Variants in PDE7B observed in about 807,000 individuals in gnomAD.
PDE7B encodes 3',5'-cyclic-AMP phosphodiesterase 7B.
Under a neutral mutation model 56.2 loss-of-function variants are expected in PDE7B, and 29 were observed. The ratio of observed to expected loss-of-function variants is 0.52; its 90% CI spans 0.38 to 0.70. The LOEUF (loss-of-function observed/expected upper bound fraction) is 0.70, where lower values mean the gene tolerates loss of function less well. PDE7B is among the 30% of genes least tolerant of loss of function. The pLI is 0.00. For synonymous variants in PDE7B, 197 were observed against 196.9 expected, an observed-to-expected ratio of 1.00 and a Z score of 0.00; for missense variants, 490 against 565.0, an observed-to-expected ratio of 0.87 and a Z score of 1.35.
At chr6:135,980,920 C>A (rs1291963534) in intron 2 of PDE7B, among the ~76,000 whole-genome samples, 5 of 148,072 alleles carry the variant, frequency 3.4e-5, no homozygotes, top group Non-Finnish European at 4.5e-5. Flanking sequence ...TTGACCCAGC[C>A]ATCCCATTAC....
intron 9 of PDE7B, among the ~76,000 whole-genome samples, chr6:136,176,112 T>C (rs1206930267): frequency 6.6e-6 from 1 of 152,092 alleles, no homozygotes; most frequent in Admixed American, 6.6e-5. Flanking sequence ...ATTTTTATAT[T>C]TGGTCTCTTC....
intron 10 of PDE7B, among the ~76,000 whole-genome samples, chr6:136,179,607 C>T (rs1779032051): frequency 6.6e-6 from 1 of 152,196 alleles, no homozygotes; most frequent in Admixed American, 6.5e-5. Context: ...AGGTCTACCG[C>T]ATTTGGTGGC....
At chr6:135,861,441 T>G (rs2128184641) in intron 1 of PDE7B, among the ~76,000 whole-genome samples, 1 of 151,422 alleles carries the variant, frequency 6.6e-6, no homozygotes, top group South Asian at 2.1e-4. Context: ...CACATGTATA[T>G]TGGCCATGTA....
At chr6:136,042,972 T>C (rs1272994512) in intron 2 of PDE7B, among the ~76,000 whole-genome samples, 5 of 152,290 alleles carry the variant, frequency 3.3e-5, no homozygotes, top group African/African-American at 1.2e-4. Flanking sequence ...TTTAAACCTG[T>C]CAACTCAAAC....
chr6:136,145,098 G>A (rs1172286288), intron 3 of PDE7B, among the ~76,000 whole-genome samples: 1 of 151,638 alleles, frequency 6.6e-6, no homozygotes, highest in Non-Finnish European at 1.5e-5. Flanking sequence ...TTACCATATC[G>A]GCTGCAAAAT....
intron 8 of PDE7B, among the ~76,000 whole-genome samples, chr6:136,168,921 G>A (rs1046036471): frequency 3.9e-5 from 6 of 152,126 alleles, no homozygotes; most frequent in African/African-American, 1.4e-4. Context: ...GGCAAATTCA[G>A]TATAATTCCA....
intron 8 of PDE7B, among the ~76,000 whole-genome samples, chr6:136,169,765 C>T (rs1405305380): frequency 6.6e-6 from 1 of 152,186 alleles, no homozygotes; most frequent in African/African-American, 2.4e-5. Flanking sequence ...TCAATCAAAA[C>T]AAATTAGTCT....
At chr6:136,126,302 T>C (rs575833980) in intron 3 of PDE7B, among the ~76,000 whole-genome samples, 1 of 152,328 alleles carries the variant, frequency 6.6e-6, no homozygotes, top group South Asian at 2.1e-4. Context: ...AACAACATTC[T>C]TTCCTTAGTT....
At chr6:136,171,425 T>G (rs17065315) in intron 8 of PDE7B, among the ~76,000 whole-genome samples, 3,426 of 152,248 alleles carry the variant, frequency 0.023, 123 homozygotes, top group African/African-American at 0.077. Context: ...AGAACCATAA[T>G]GACTGCGACT....
chr6:136,101,402 T>A (rs1219228845), intron 2 of PDE7B, among the ~76,000 whole-genome samples: 1 of 152,208 alleles, frequency 6.6e-6, no homozygotes, highest in African/African-American at 2.4e-5. Flanking sequence ...CCTGGACTTT[T>A]TTTGGTTGGT....
intron 1 of PDE7B, among the ~76,000 whole-genome samples, chr6:135,886,723 T>C (rs1401721346): frequency 6.6e-6 from 1 of 152,192 alleles, no homozygotes; most frequent in Non-Finnish European, 1.5e-5. Flanking sequence ...CCTAGTAGTA[T>C]TCCATAGTGT....
At chr6:136,051,208 C>T (rs1318644775) in intron 2 of PDE7B, among the ~76,000 whole-genome samples, 1 of 152,124 alleles carries the variant, frequency 6.6e-6, no homozygotes, top group Non-Finnish European at 1.5e-5. Flanking sequence ...TTAGATCTAG[C>T]TGAGGCAGAA....
At chr6:135,878,883 C>T (rs982356730) in intron 1 of PDE7B, among the ~76,000 whole-genome samples, 12 of 152,108 alleles carry the variant, frequency 7.9e-5, no homozygotes, top group Non-Finnish European at 1.0e-4. Context: ...TTCACATGTA[C>T]GTATTTTTAT....
intron 2 of PDE7B, among the ~76,000 whole-genome samples, chr6:135,976,355 G>GC: frequency 6.6e-6 from 1 of 152,234 alleles, no homozygotes; most frequent in East Asian, 1.9e-4. Flanking sequence ...TAAGTTCTCA[G>GC]CCCCCATAAA....
intron 2 of PDE7B, among the ~76,000 whole-genome samples, chr6:135,988,849 A>G (rs1475502415): frequency 6.6e-6 from 1 of 152,212 alleles, no homozygotes; most frequent in Non-Finnish European, 1.5e-5. Context: ...TATAGAAAAG[A>G]CAGACTGATG....
chr6:135,912,717 C>G (rs1776233886), intron 1 of PDE7B, among the ~76,000 whole-genome samples: 1 of 152,142 alleles, frequency 6.6e-6, no homozygotes, highest in South Asian at 2.1e-4. Context: ...AGAATAGTGA[C>G]AGTTGGGCTA....
At chr6:136,070,712 A>G (rs1419503764) in intron 2 of PDE7B, among the ~76,000 whole-genome samples, 2 of 152,208 alleles carry the variant, frequency 1.3e-5, no homozygotes, top group African/African-American at 2.4e-5. Context: ...CTTTAAATGT[A>G]TTGTTAATAA....
chr6:136,162,682 C>G (rs1778726403), intron 8 of PDE7B, among the ~76,000 whole-genome samples: 1 of 152,150 alleles, frequency 6.6e-6, no homozygotes, highest in Non-Finnish European at 1.5e-5. Flanking sequence ...TAAAGCAAGT[C>G]CCTTTTACCT....
chr6:136,130,498 C>T (rs112776319), intron 3 of PDE7B, among the ~76,000 whole-genome samples: 410 of 152,262 alleles, frequency 2.7e-3, no homozygotes, highest in African/African-American at 9.0e-3. Flanking sequence ...GCAGAGCACC[C>T]GCTAGACAAA....
Sources: gnomAD v4.1 joint callset for allele counts (sites outside exome capture counted in the v4.1 genomes callset) on GRCh38, gnomAD v4.1.1 for gene constraint, MANE v1.5 for transcripts, NCBI Gene and HGNC (gene_info 2026-07-23, HGNC 2026-07-21) for gene names.